TSC22D2: variants seen among roughly 807,000 people sequenced by gnomAD.
TSC22D2 encodes the protein TSC22 domain family member 2.
Under a neutral mutation model 50.1 loss-of-function variants are expected in TSC22D2, and 5 were observed. The ratio of observed to expected loss-of-function variants is 0.10; its 90% CI spans 0.05 to 0.21. TSC22D2 has a LOEUF of 0.21. Ranked by LOEUF, TSC22D2 falls within the 10% of genes least tolerant of loss-of-function variation. The probability of loss-of-function intolerance (pLI) is 1.00; values close to 1 mark genes in which losing one functional copy is unlikely to be tolerated. For synonymous variants in TSC22D2, 501 were observed against 450.1 expected (o/e 1.11, Z -1.43); for missense variants, 1,003 against 1,015.5 (o/e 0.99, Z 0.17).
chr3:150,465,949 G>A lies in TSC22D2; in HGVS notation c.*7313G>A, dbSNP rs897939085. 3 of 151,916 alleles carry A rather than the reference G, an allele frequency of 2.0e-5. No homozygotes were observed. Among genetic ancestry groups the A allele is most frequent in the Non-Finnish European group, 2.9e-5 (2 of 67,980 alleles). 9.4% of individuals were successfully genotyped at this position (151,916 alleles called of 1,614,324 possible). The stretch of plus-strand genomic sequence containing the variant: ...TTCATGGTTTCAGGCATTCAGTGAG[G>A]GTCTTGGAAAATATCCTCCATGATG... On this transcript the variant is annotated 3_prime_UTR_variant, in exon 3 of 3. Transcript: ENST00000688009.
rs905604392 is a variant in TSC22D2, at chr3:150,461,554, C to A, written c.*2918C>A. 6.6e-6 allele frequency: 1 copy of A among 152,122 alleles called. No individual in the cohort carries two copies. Among genetic ancestry groups the A allele is most frequent in the Admixed American group, 6.5e-5 (1 of 15,272 alleles). The allele number at this position is 152,122 out of a possible 1,614,324, so 9.4% of individuals were successfully genotyped here. A position where few individuals can be genotyped will look rare whatever the true frequency, so the allele number is the denominator to read the frequency against. ...TTGTCTACAATTCAAACCTAACTTT[C>A]CCCAAATAAAATTTAGTTTGTTCCG... On this transcript the variant is annotated 3_prime_UTR_variant, in exon 3 of 3. Transcript: ENST00000688009.
At chr3:150,456,597 C>T (rs1721199017) in intron 1 of TSC22D2, among the ~76,000 whole-genome samples, 1 of 148,550 alleles carries the variant, frequency 6.7e-6, no homozygotes, top group Non-Finnish European at 1.5e-5. Flanking sequence ...AAACTTATAC[C>T]AGAAAAGTCT....
At chr3:150,440,979 A>C (rs1204606181) in intron 1 of TSC22D2, among the ~76,000 whole-genome samples, 1 of 151,298 alleles carries the variant, frequency 6.6e-6, no homozygotes, top group Non-Finnish European at 1.5e-5. Flanking sequence ...CACGATTAAA[A>C]ATGCACAAAC....
chr3:150,441,257 C>G (rs1209512272), intron 1 of TSC22D2, among the ~76,000 whole-genome samples: 1 of 152,014 alleles, frequency 6.6e-6, no homozygotes, highest in Non-Finnish European at 1.5e-5. Context: ...TTAATAGTTG[C>G]AATCATGGTA....
At chr3:150,439,121 A>G (rs79717566) in intron 1 of TSC22D2, among the ~76,000 whole-genome samples, 5,516 of 152,198 alleles carry the variant, frequency 0.036, 334 homozygotes, top group African/African-American at 0.13. Context: ...AGTCTGGATT[A>G]TTTGTCCAAG....
chr3:150,410,075 C>T lies in TSC22D2; in HGVS notation c.725C>T (p.Thr242Ile). The change falls in exon 1 of 3, where the codon ACT (threonine) becomes ATT (isoleucine). Residue 242 changes from threonine (T) to isoleucine (I), a missense_variant. Coordinates refer to ENST00000688009, the MANE Select transcript of TSC22D2 (RefSeq NM_001303264.2). Reference sequence around the variant, plus strand: ...GGGGCGCACGGGCCCGAGTCGGGAACTGACAGCTCCTTGACTGCTGTGTCA... The same window carrying T: ...GGGGCGCACGGGCCCGAGTCGGGAATTGACAGCTCCTTGACTGCTGTGTCA... ...MQGAHGPESGTDSSLTAVSQL... is the reference protein window; with the variant it reads ...MQGAHGPESGIDSSLTAVSQL... 6.2e-7 allele frequency: 1 copy of T among 1,613,058 alleles called. No homozygotes were observed. Among genetic ancestry groups the T allele is most frequent in the Non-Finnish European group, 8.5e-7 (1 of 1,180,020 alleles).
intron 1 of TSC22D2, among the ~76,000 whole-genome samples, chr3:150,446,935 T>C (rs1720907130): frequency 6.6e-6 from 1 of 152,248 alleles, no homozygotes; most frequent in South Asian, 2.1e-4. Context: ...CATAGAATTA[T>C]GCTTTTTCTA....
intron 1 of TSC22D2, among the ~76,000 whole-genome samples, chr3:150,428,771 G>GA (rs1720282509): frequency 6.6e-6 from 1 of 152,048 alleles, no homozygotes; most frequent in African/African-American, 2.4e-5. Context: ...AAACTAACTA[G>GA]AAAACCAAAT....
chr3:150,463,334 C>T lies in TSC22D2; in HGVS notation c.*4698C>T, dbSNP rs1323460411. On this transcript the variant is annotated 3_prime_UTR_variant, in exon 3 of 3. Transcript: ENST00000688009. ...TATTCTTTGACATAGGTCAGTCCTG[C>T]AGGCTTCTTTTTTCTAAGTCTCCTG... 1 of 152,236 alleles carries T rather than the reference C, an allele frequency of 6.6e-6. No individual in the cohort carries two copies. The highest frequency in any genetic ancestry group is 1.5e-5 in the Non-Finnish European group (1 of 68,054). 9.4% of individuals were successfully genotyped at this position (152,236 alleles called of 1,614,324 possible).
At chr3:150,451,988 C>T (rs1338646447) in intron 1 of TSC22D2, among the ~76,000 whole-genome samples, 2 of 152,132 alleles carry the variant, frequency 1.3e-5, no homozygotes, top group Non-Finnish European at 2.9e-5. Context: ...TCCTGAGTAA[C>T]TAGGACCGTG....
chr3:150,422,385 A>G (rs1393813446), intron 1 of TSC22D2, among the ~76,000 whole-genome samples: 1 of 152,226 alleles, frequency 6.6e-6, no homozygotes, highest in African/African-American at 2.4e-5. Context: ...GCCCTAGGGA[A>G]TGGTAGAAAT....
At chr3:150,440,526 AT>A (rs1196096776) in intron 1 of TSC22D2, among the ~76,000 whole-genome samples, 13 of 152,020 alleles carry the variant, frequency 8.6e-5, no homozygotes, top group African/African-American at 2.9e-4. Flanking sequence ...AATATTTAGG[AT>A]TTATAAACAG....
rs893982958 is a variant in TSC22D2 at position 150,458,860 on chromosome 3, G to A, written c.*224G>A. On this transcript the variant is annotated 3_prime_UTR_variant, in exon 3 of 3. Coordinates refer to ENST00000688009, the MANE Select transcript of TSC22D2 (RefSeq NM_001303264.2). ...TCATCAGTACACAAGGAGAATAATA[G>A]ATGGGGTTTATTAAAGCGAGCAAAG... 3.3e-5 allele frequency: 17 copies of A among 511,698 alleles called. No individual in the cohort carries two copies. Among genetic ancestry groups the A allele is most frequent in the Non-Finnish European group, 5.7e-5 (17 of 298,454 alleles). The allele number at this position is 511,698 out of a possible 1,614,324, so 31.7% of individuals were successfully genotyped here. A position where few individuals can be genotyped will look rare whatever the true frequency, so the allele number is the denominator to read the frequency against.
chr3:150,449,948 T>C (rs1720992305), intron 1 of TSC22D2, among the ~76,000 whole-genome samples: 1 of 152,038 alleles, frequency 6.6e-6, no homozygotes, highest in South Asian at 2.1e-4. Flanking sequence ...TTAACAGATT[T>C]TAGGAAAATT....
At position 150,459,024 on chromosome 3, in the gene TSC22D2, TTC is replaced by T. The variant is rs990697857; in HGVS notation, c.*390_*391del. 1.6e-3 allele frequency: 257 copies of T among 162,550 alleles called. 1 individual carries two copies. Among genetic ancestry groups the T allele is most frequent in the African/African-American group, 5.8e-3 (244 of 41,972 alleles). 10.1% of individuals were successfully genotyped at this position (162,550 alleles called of 1,614,324 possible). On this transcript the variant is annotated 3_prime_UTR_variant, in exon 3 of 3. Transcript: ENST00000688009. ...AGTTCATCTAAAGAGCCACTTTTCT[TTC>T]TGATTCAGTAACATTTGCCTACATA...
At chr3:150,432,031 T>C (rs1417533299) in intron 1 of TSC22D2, among the ~76,000 whole-genome samples, 1 of 152,190 alleles carries the variant, frequency 6.6e-6, no homozygotes, top group African/African-American at 2.4e-5. Context: ...GCTTGTCTGC[T>C]GCGAGATTTT....
rs916173447 is a variant in TSC22D2, at chr3:150,408,998, G to A, written c.-353G>A. 3 of 209,676 alleles carry A rather than the reference G, an allele frequency of 1.4e-5. No homozygotes were observed. Among genetic ancestry groups the A allele is most frequent in the African/African-American group, 2.3e-5 (1 of 43,450 alleles). 13.0% of individuals were successfully genotyped at this position (209,676 alleles called of 1,614,324 possible). ...GCGCCGAGCTGGACTGACCACGGCT[G>A]CCCGGAGACGAGAGAGGAAGCAGCC... On this transcript the variant is annotated 5_prime_UTR_variant, in exon 1 of 3. Coordinates refer to ENST00000688009, the MANE Select transcript of TSC22D2 (RefSeq NM_001303264.2).
At position 150,410,752 on chromosome 3, in the gene TSC22D2, C is replaced by T. The variant is rs1421924016; in HGVS notation, c.1402C>T (p.Pro468Ser). ...PPATVGGVVQPCLGPAGAGQP... is the reference protein window; with the variant it reads ...PPATVGGVVQSCLGPAGAGQP... ...GGCTACTGTGGGAGGCGTGGTGCAG[C>T]CGTGCCTCGGTCCTGCCGGGGCTGG... The change falls in exon 1 of 3, where the codon CCG becomes TCG. Residue 468 changes from proline to serine, a missense_variant. Pro to Ser is a moderately conservative substitution (Grantham distance 74). This residue lies in a region of TSC22D2 where 696 missense variants were observed against 647.8 expected (regional missense o/e 1.07). Coordinates refer to ENST00000688009, the MANE Select transcript of TSC22D2 (RefSeq NM_001303264.2). The T allele has an allele frequency of 1.2e-6, 2 of 1,606,818 alleles. No individual in the cohort carries two copies. Among genetic ancestry groups the T allele is most frequent in the Non-Finnish European group, 8.5e-7 (1 of 1,177,280 alleles).
In TSC22D2 at chr3:150,449,711, T is replaced by C. The variant is rs187971747; in HGVS notation, c.1959-7365T>C. Among the ~76,000 whole-genome samples the C allele has an allele frequency of 1.8e-3, 271 of 152,250 alleles. 1 individual carries two copies. The highest frequency in any genetic ancestry group is 0.01 in the Middle Eastern group (3 of 294). The stretch of plus-strand genomic sequence containing the variant: ...CATTATTTGCTATGTATATAAAATA[T>C]CTAGAGGATAAATTCCAAGATGAAT... On this transcript the variant is annotated intron_variant, in intron 1 of 2. Coordinates refer to ENST00000688009, the MANE Select transcript of TSC22D2 (RefSeq NM_001303264.2).
Sources: allele counts gnomAD v4.1 joint callset (sites outside exome capture counted in the v4.1 genomes callset), GRCh38; gene constraint gnomAD v4.1.1; regional missense constraint gnomAD v4.1.1; transcripts MANE v1.5; gene names NCBI Gene and HGNC (gene_info 2026-07-23, HGNC 2026-07-21).